Variants in CRYZL1 observed in about 807,000 individuals in gnomAD.
The protein encoded by CRYZL1 is crystallin zeta like 1, also known as ferry endosomal RAB5 effector complex subunit 4.
A neutral mutation model predicts 50.6 loss-of-function variants in CRYZL1; 34 were observed. The ratio of observed to expected loss-of-function variants is 0.67; its 90% confidence interval spans 0.51 to 0.89. The LOEUF is 0.89. Among genes scored for constraint, CRYZL1 ranks in the 40% least tolerant of loss-of-function variants. The pLI is 0.00. For synonymous variants in CRYZL1, 125 were observed against 134.3 expected (o/e 0.93, Z 0.48); for missense variants, 354 against 402.3 (o/e 0.88, Z 1.03).
intron 4 of CRYZL1, among the ~76,000 whole-genome samples, chr21:33,621,652 T>A (rs568413666): frequency 1.3e-5 from 2 of 152,274 alleles, no homozygotes; most frequent in African/African-American, 4.8e-5. Context: ...AAAAATCACA[T>A]AATGTTTTAA....
At chr21:33,595,061 A>C (rs1437679460) in intron 11 of CRYZL1, 1 of 548,648 alleles carries the variant, frequency 1.8e-6, no homozygotes, top group Non-Finnish European at 2.4e-6. Context: ...CAGTCATTTT[A>C]GAAATAAAAG....
At chr21:33,637,526 C>T (rs936220023) in intron 1 of CRYZL1, among the ~76,000 whole-genome samples, 4 of 151,628 alleles carry the variant, frequency 2.6e-5, no homozygotes, top group African/African-American at 9.7e-5. Flanking sequence ...TGGCGATAGG[C>T]TGCCAAATGC....
At chr21:33,637,593 G>C (rs1452941406) in intron 1 of CRYZL1, among the ~76,000 whole-genome samples, 6 of 151,564 alleles carry the variant, frequency 4.0e-5, no homozygotes, top group Non-Finnish European at 8.8e-5. Flanking sequence ...TTTAATTCCT[G>C]AAAGTCCAAA....
intron 6 of CRYZL1, among the ~76,000 whole-genome samples, chr21:33,609,771 C>T (rs369744602): frequency 6.7e-6 from 1 of 149,636 alleles, no homozygotes; most frequent in African/African-American, 2.5e-5. Flanking sequence ...GGCGCGATCT[C>T]GGCTCACTGC....
At chr21:33,594,244 C>T (rs944461529) in intron 11 of CRYZL1, among the ~76,000 whole-genome samples, 1 of 151,128 alleles carries the variant, frequency 6.6e-6, no homozygotes, top group African/African-American at 2.4e-5. Context: ...ACCTTCACTG[C>T]CTGGGTTCAA....
Position 33,602,363 on chromosome 21 carries a change from T to C in CRYZL1, c.466-18A>G, listed in dbSNP as rs1403390859. Reference sequence around the variant, plus strand: ...CCAAATGCCTGTGTAGAAAAAAATATACAGTGGGTGTATGGTTATAGAACA... The same window carrying C: ...CCAAATGCCTGTGTAGAAAAAAATACACAGTGGGTGTATGGTTATAGAACA... On this transcript the variant is annotated intron_variant, in intron 7 of 12. Transcript: ENST00000381554. 20 of 1,204,066 alleles carry C rather than the reference T, an allele frequency of 1.7e-5. No individual in the cohort carries two copies. The highest frequency in any genetic ancestry group is 2.4e-5 in the Non-Finnish European group (19 of 806,274). 74.6% of individuals were successfully genotyped at this position (1,204,066 alleles called of 1,614,324 possible).
intron 6 of CRYZL1, among the ~76,000 whole-genome samples, chr21:33,610,447 C>T (rs1380267883): frequency 4.6e-5 from 7 of 152,104 alleles, no homozygotes; most frequent in African/African-American, 9.7e-5. Flanking sequence ...TGAGCCACCA[C>T]GCCTGTCGTA....
chr21:33,624,809 G>A (rs2087042239), intron 2 of CRYZL1, 49 bp from the exon 3 acceptor site: 1 of 1,569,998 alleles, frequency 6.4e-7, no homozygotes. Flanking sequence ...ACATTCCTAT[G>A]AGAATATGTC....
chr21:33,604,355 C>CA (rs71194858), intron 6 of CRYZL1, among the ~76,000 whole-genome samples: 32,428 of 68,934 alleles, frequency 0.47, 7,523 homozygotes, highest in Non-Finnish European at 0.49. Context: ...GACTCCGTCT[C>CA]AAAAAAAAAA....
intron 6 of CRYZL1, among the ~76,000 whole-genome samples, chr21:33,608,208 A>G (rs1170104910): frequency 6.6e-6 from 1 of 152,212 alleles, no homozygotes; most frequent in Non-Finnish European, 1.5e-5. Context: ...TAATCCCAGC[A>G]CTTTGGGAGG....
At chr21:33,626,913 T>C (rs1042800877) in intron 2 of CRYZL1, among the ~76,000 whole-genome samples, 8 of 152,188 alleles carry the variant, frequency 5.3e-5, no homozygotes, top group African/African-American at 1.9e-4. Context: ...CCTCCTGTGA[T>C]GTATCAAAGG....
chr21:33,631,702 A>G (rs1601350397), intron 1 of CRYZL1, 145 bp from the exon 2 acceptor site: 10 of 444,980 alleles, frequency 2.2e-5, no homozygotes, highest in South Asian at 5.6e-5. Flanking sequence ...AATCTTTCAC[A>G]AAGTGATCAA....
intron 10 of CRYZL1, chr21:33,596,141 G>C (rs1271832249): frequency 1.8e-6 from 1 of 559,440 alleles, no homozygotes; most frequent in East Asian, 4.5e-5. Context: ...AGTGAAGATT[G>C]GTAGGTGAGA....
At chr21:33,624,974 C>T (rs2087044010) in intron 2 of CRYZL1, among the ~76,000 whole-genome samples, 1 of 151,934 alleles carries the variant, frequency 6.6e-6, no homozygotes, top group Non-Finnish European at 1.5e-5. Flanking sequence ...CTTTTGGATA[C>T]ATATTTTTAA....
chr21:33,603,290 GTCAA>G, intron 7 of CRYZL1, 110 bp downstream of exon 7: 3 of 1,295,526 alleles, frequency 2.3e-6, no homozygotes, highest in Non-Finnish European at 3.2e-6. Flanking sequence ...TGGAAAAAAA[GTCAA>G]TCAATAAGCT....
chr21:33,635,518 A>AT (rs898135102), intron 1 of CRYZL1, among the ~76,000 whole-genome samples: 1 of 150,346 alleles, frequency 6.7e-6, no homozygotes, highest in Non-Finnish European at 1.5e-5. Flanking sequence ...ACCTGGCTAA[A>AT]TTTTTTTTGT....
intron 12 of CRYZL1, among the ~76,000 whole-genome samples, chr21:33,590,281 T>G (rs1380952447): frequency 1.3e-5 from 2 of 152,122 alleles, no homozygotes; most frequent in Non-Finnish European, 2.9e-5. Flanking sequence ...CCTCCCAAAG[T>G]GCTGGGATTA....
chr21:33,632,318 G>C (rs897962202), intron 1 of CRYZL1, among the ~76,000 whole-genome samples: 11 of 151,900 alleles, frequency 7.2e-5, no homozygotes, highest in African/African-American at 2.7e-4. Context: ...GGGAACAAGA[G>C]CGAAACTCTG....
chr21:33,603,567 G>A, intron 6 of CRYZL1, 30 bp from the exon 7 acceptor site: 2 of 1,612,470 alleles, frequency 1.2e-6, no homozygotes, highest in South Asian at 2.2e-5. Flanking sequence ...GAAACAATCT[G>A]TTAGCAAGTC....
Sources: allele counts gnomAD v4.1 joint callset (sites outside exome capture counted in the v4.1 genomes callset), GRCh38; gene constraint gnomAD v4.1.1; transcripts MANE v1.5; gene names NCBI Gene and HGNC (gene_info 2026-07-23, HGNC 2026-07-21).